The following ZNF385D variants were observed in gnomAD, a reference collection of about 807,000 sequenced individuals.
The protein encoded by ZNF385D is zinc finger protein 385D.
In ZNF385D, 15 loss-of-function variants were observed where a neutral mutation model predicts 35.8. The observed-to-expected ratio is 0.42, with a 90% CI of 0.28 to 0.64. The LOEUF (loss-of-function observed/expected upper bound fraction) is 0.64, where lower values mean the gene tolerates loss of function less well. Ranked by LOEUF, ZNF385D falls within the 30% of genes least tolerant of loss-of-function variation. The pLI is 0.23. For missense variants in ZNF385D, 474 were observed against 494.6 expected, an observed-to-expected ratio of 0.96 and a Z score of 0.39; for synonymous variants, 212 against 186.8, an observed-to-expected ratio of 1.13 and a Z score of -1.10.
intron 3 of ZNF385D, among the ~76,000 whole-genome samples, chr3:21,871,411 T>C (rs1435433028): frequency 6.6e-6 from 1 of 152,180 alleles, no homozygotes. Flanking sequence ...ATTGAAAATT[T>C]AAAATTATGT....
At position 22,165,991 on chromosome 3, in the gene ZNF385D, A is replaced by G. The variant is rs185122551; in HGVS notation, c.325+2826T>C. 3.0e-4 allele frequency among the ~76,000 whole-genome samples: 45 copies of G among 151,548 alleles called. 1 individual carries two copies. The highest frequency in any genetic ancestry group is 2.0e-3 in the Admixed American group (30 of 15,176). ...GGCCAAATTCATCATACCCTCTCAG[A>G]TAATGTGATTGACACTTTTGGCTCC... is the stretch of plus-strand genomic sequence containing the variant. On this transcript the variant is annotated intron_variant, in intron 3 of 5. Coordinates refer to the ZNF385D transcript ENST00000494108.
At chr3:22,250,476 A>G (rs1006361634) in intron 2 of ZNF385D, among the ~76,000 whole-genome samples, 3 of 152,036 alleles carry the variant, frequency 2.0e-5, no homozygotes, top group Non-Finnish European at 4.4e-5. Flanking sequence ...TAACTGATCC[A>G]TTAGGAGTGC....
At chr3:21,966,581 CTTGT>C (rs1038389566) in intron 3 of ZNF385D, among the ~76,000 whole-genome samples, 9 of 152,100 alleles carry the variant, frequency 5.9e-5, no homozygotes, top group East Asian at 5.8e-4. Context: ...AGGTTTACTT[CTTGT>C]TTGTTTGTTT....
At chr3:22,367,411 A>C (rs1303822050) in intron 2 of ZNF385D, among the ~76,000 whole-genome samples, 1 of 152,174 alleles carries the variant, frequency 6.6e-6, no homozygotes, top group Non-Finnish European at 1.5e-5. Flanking sequence ...TTTTGATGTC[A>C]AGTTTTACTG....
At chr3:21,960,275 A>G (rs911779000) in intron 3 of ZNF385D, among the ~76,000 whole-genome samples, 32 of 151,858 alleles carry the variant, frequency 2.1e-4, no homozygotes, top group African/African-American at 7.5e-4. Context: ...CAGAGGATCT[A>G]AATAAACATT....
intron 3 of ZNF385D, among the ~76,000 whole-genome samples, chr3:22,079,369 C>T (rs913173937): frequency 5.3e-5 from 8 of 151,754 alleles, no homozygotes; most frequent in Non-Finnish European, 2.9e-5. Context: ...ATGATTACAA[C>T]ATTAATTATA....
chr3:22,306,515 A>G (rs1457491656), intron 2 of ZNF385D, among the ~76,000 whole-genome samples: 1 of 152,076 alleles, frequency 6.6e-6, no homozygotes, highest in East Asian at 1.9e-4. Context: ...TGGCTCCATT[A>G]AATAACAACC....
chr3:21,445,228 C>T (rs1000077453), intron 4 of ZNF385D, among the ~76,000 whole-genome samples: 68 of 152,248 alleles, frequency 4.5e-4, no homozygotes, highest in African/African-American at 1.6e-3. Flanking sequence ...CAATGGGTCT[C>T]CCCTACAACC....
chr3:21,968,451 G>C (rs1229185478), intron 3 of ZNF385D, among the ~76,000 whole-genome samples: 1 of 152,114 alleles, frequency 6.6e-6, no homozygotes, highest in African/African-American at 2.4e-5. Flanking sequence ...GGGAGTGCTT[G>C]AGTCATCCCT....
intron 3 of ZNF385D, among the ~76,000 whole-genome samples, chr3:21,966,211 T>C (rs188358144): frequency 1.4e-3 from 213 of 152,336 alleles, no homozygotes; most frequent in Admixed American, 3.1e-3. Flanking sequence ...GGACTTTAGG[T>C]AGAATGATGT....
intron 1 of ZNF385D, among the ~76,000 whole-genome samples, chr3:21,707,801 C>G (rs2067962691): frequency 6.6e-6 from 1 of 152,064 alleles, no homozygotes; most frequent in African/African-American, 2.4e-5. Context: ...GATCGGTCTT[C>G]AAAGATGGGA....
rs957261803 is a variant in ZNF385D, at chr3:22,100,619, G to A, written c.325+68198C>T. Among the ~76,000 whole-genome samples the A allele has an allele frequency of 5.8e-4, 85 of 146,686 alleles. 1 individual carries two copies. The highest frequency in any genetic ancestry group is 2.1e-3 in the African/African-American group (83 of 39,640). ...AAACATCACATATTCTCACTCATAG[G>A]TGGGAATTGAACAATGAGAACACAT... is the stretch of plus-strand genomic sequence containing the variant. On this transcript the variant is annotated intron_variant, in intron 3 of 5. Coordinates refer to the ZNF385D transcript ENST00000494108.
At chr3:21,895,319 C>CTTTTTTT (rs34167369) in intron 3 of ZNF385D, among the ~76,000 whole-genome samples, 3 of 62,690 alleles carry the variant, frequency 4.8e-5, no homozygotes, top group African/African-American at 6.4e-5. Flanking sequence ...AAATGTGTGG[C>CTTTTTTT]TTTTTTTTTT....
intron 3 of ZNF385D, chr3:22,134,308 G>T (rs989077316): frequency 6.6e-6 from 1 of 151,816 alleles, no homozygotes; most frequent in Non-Finnish European, 1.5e-5. Flanking sequence ...AATTACAAAG[G>T]CTCAACTTAC....
chr3:21,759,434 G>C (rs751110044), intron 3 of ZNF385D, among the ~76,000 whole-genome samples: 1 of 151,630 alleles, frequency 6.6e-6, no homozygotes, highest in Middle Eastern at 3.4e-3. Context: ...TATTGGATGA[G>C]ATCTCCCATT....
At chr3:21,990,948 A>C (rs1695114765) in intron 3 of ZNF385D, among the ~76,000 whole-genome samples, 1 of 152,256 alleles carries the variant, frequency 6.6e-6, no homozygotes, top group Non-Finnish European at 1.5e-5. Flanking sequence ...CAAATGCGTG[A>C]TCTAATGGCA....
Position 21,922,073 on chromosome 3 carries a change from T to C in ZNF385D, c.325+246744A>G, listed in dbSNP as rs1700492150. ...GAAAATGACAGGTCAATATTCCTGA[T>C]GAACCAAGGGGGTGAAAGATCTCTA... On this transcript the variant is annotated intron_variant, in intron 3 of 5. Coordinates refer to the ZNF385D transcript ENST00000494108. 2.6e-5 allele frequency among the ~76,000 whole-genome samples: 4 copies of C among 151,932 alleles called. No individual in the cohort carries two copies. The South Asian group carries it at 8.3e-4, about 32-fold the overall frequency.
intron 2 of ZNF385D, among the ~76,000 whole-genome samples, chr3:22,209,152 C>T (rs1697353264): frequency 6.6e-6 from 1 of 151,774 alleles, no homozygotes; most frequent in Non-Finnish European, 1.5e-5. Flanking sequence ...ACACTGTGAA[C>T]AAAACATTGT....
At chr3:22,205,758 C>T (rs986418423) in intron 2 of ZNF385D, among the ~76,000 whole-genome samples, 11 of 151,586 alleles carry the variant, frequency 7.3e-5, no homozygotes, top group African/African-American at 2.7e-4. Context: ...ATAACAGATA[C>T]ACAAAAGACA....
Sources: gnomAD v4.1 joint callset for allele counts (sites outside exome capture counted in the v4.1 genomes callset) on GRCh38, gnomAD v4.1.1 for gene constraint, MANE v1.5 for transcripts, NCBI Gene and HGNC (gene_info 2026-07-23, HGNC 2026-07-21) for gene names.